The following CTNNA2 variants were observed in gnomAD, a reference collection of about 807,000 sequenced individuals.
The protein encoded by CTNNA2 is catenin alpha 2.
In CTNNA2, 42 loss-of-function variants were observed where a neutral mutation model predicts 101.0. That is an observed-to-expected ratio of 0.42 (90% CI 0.32 to 0.54). The LOEUF (loss-of-function observed/expected upper bound fraction) is 0.54. Ranked by LOEUF, CTNNA2 falls within the 20% of genes least tolerant of loss-of-function variation. The probability of loss-of-function intolerance (pLI) is 0.14; values close to 1 mark genes in which losing one functional copy is unlikely to be tolerated. For synonymous variants in CTNNA2, 450 were observed against 456.4 expected (o/e 0.99, Z 0.18); for missense variants, 871 against 1,223.1 (o/e 0.71, Z 4.29).
intron 2 of CTNNA2, among the ~76,000 whole-genome samples, chr2:79,297,679 C>A (rs1239596822): frequency 6.6e-6 from 1 of 152,184 alleles, no homozygotes; most frequent in Non-Finnish European, 1.5e-5. Context: ...ATCTCTCTAT[C>A]TATATCTATC....
chr2:79,824,362 C>T (rs1029039408), intron 3 of CTNNA2, among the ~76,000 whole-genome samples: 1 of 152,060 alleles, frequency 6.6e-6, no homozygotes, highest in African/African-American at 2.4e-5. Context: ...GTTGTACAAG[C>T]CAATAAATGA....
At chr2:79,858,496 G>T (rs138231234) in intron 4 of CTNNA2, among the ~76,000 whole-genome samples, 2 of 152,244 alleles carry the variant, frequency 1.3e-5, no homozygotes, top group South Asian at 4.1e-4. Flanking sequence ...ACCTGCCTTT[G>T]TTCTATCTCA....
intron 3 of CTNNA2, among the ~76,000 whole-genome samples, chr2:79,774,671 A>G (rs1313568564): frequency 6.6e-6 from 1 of 152,214 alleles, no homozygotes; most frequent in Non-Finnish European, 1.5e-5. Context: ...ATACTGAACT[A>G]CAAACTATGT....
Position 80,232,345 on chromosome 2 carries a change from G to GTTTTTTTTTTTTTTTTTTTTTTTT in CTNNA2, c.1057-160846_1057-160823dup, listed in dbSNP as rs61454985. Among the ~76,000 whole-genome samples, 154 of 64,736 alleles carry GTTTTTTTTTTTTTTTTTTTTTTTT rather than the reference G, an allele frequency of 2.4e-3. 8 individuals carry two copies. The highest frequency in any genetic ancestry group is 2.9e-3 in the Non-Finnish European group (112 of 38,898). 42.5% of individuals were successfully genotyped at this position (64,736 alleles called of 152,430 possible). ...GTTTTGTTTGTTTGTTTGTTTGTTT[G>GTTTTTTTTTTTTTTTTTTTTTTTT]TTTTTTTTTTTTTTTTTTTTTTTTT... is the stretch of plus-strand genomic sequence containing the variant. On this transcript the variant is annotated intron_variant, in intron 7 of 18. Transcript: ENST00000402739.
chr2:79,456,567 C>T (rs1670824958), intron 4 of CTNNA2, among the ~76,000 whole-genome samples: 1 of 152,150 alleles, frequency 6.6e-6, no homozygotes, highest in Non-Finnish European at 1.5e-5. Context: ...CTTTGAATTT[C>T]TCTAATCTCT....
intron 1 of CTNNA2, among the ~76,000 whole-genome samples, chr2:79,562,349 T>G (rs1457067027): frequency 1.3e-5 from 2 of 152,082 alleles, no homozygotes; most frequent in African/African-American, 4.8e-5. Flanking sequence ...ACTCTTTTAT[T>G]CTTAACTACT....
chr2:80,570,632 G>A (rs186026089), intron 12 of CTNNA2, among the ~76,000 whole-genome samples: 1 of 152,246 alleles, frequency 6.6e-6, no homozygotes, highest in Non-Finnish European at 1.5e-5. Context: ...AATATAATAA[G>A]ATGGTTTAAA....
chr2:79,605,262 T>A (rs1573458629), intron 1 of CTNNA2, among the ~76,000 whole-genome samples: 1 of 152,052 alleles, frequency 6.6e-6, no homozygotes, highest in African/African-American at 2.4e-5. Context: ...AGAAGTAGAT[T>A]AGTGAACTTC....
chr2:79,417,966 C>T lies in CTNNA2; in HGVS notation c.-135+43953C>T, dbSNP rs78958087. Among the ~76,000 whole-genome samples, 870 of 152,056 alleles carry T rather than the reference C, an allele frequency of 5.7e-3. 27 individuals are homozygous for T. The highest frequency in any genetic ancestry group is 0.035 in the East Asian group (179 of 5,144). On this transcript the variant is annotated intron_variant, in intron 4 of 21. Coordinates refer to the CTNNA2 transcript ENST00000466387. ...CCACGTGGGAAATGGAATTATTATT[C>T]AAATCAATATCAAAGGCTCTGAGGT...
In CTNNA2 at chr2:79,662,570, C is replaced by T. The variant is rs182134125; in HGVS notation, c.102+10912C>T. ...GAACTGGAGACCAAAAAATCCATTACACCAAGCAGGAAAATGCCTACGAAG... is the reference window on the plus strand; with the variant it reads ...GAACTGGAGACCAAAAAATCCATTATACCAAGCAGGAAAATGCCTACGAAG... On this transcript the variant is annotated intron_variant, in intron 2 of 18. Transcript: ENST00000402739. 5.2e-3 allele frequency among the ~76,000 whole-genome samples: 791 copies of T among 152,148 alleles called. 26 individuals are homozygous for T. The South Asian group carries it at 0.076, about 15-fold the overall frequency.
Position 80,487,341 on chromosome 2 carries a change from T to C in CTNNA2, c.1291-57641T>C, listed in dbSNP as rs144427850. ...AATTAAGTCTGTATAGTTGTAGTAGTCCATTCTCATGCTGCTATAAAGAAC... is the reference window on the plus strand; with the variant it reads ...AATTAAGTCTGTATAGTTGTAGTAGCCCATTCTCATGCTGCTATAAAGAAC... On this transcript the variant is annotated intron_variant, in intron 9 of 18. Coordinates refer to ENST00000402739, the MANE Select transcript of CTNNA2 (RefSeq NM_001282597.3). Among the ~76,000 whole-genome samples, 140 of 151,272 alleles carry C rather than the reference T, an allele frequency of 9.3e-4. 2 individuals carry two copies. In the East Asian group the frequency reaches 0.026, roughly 28 times the overall value.
intron 15 of CTNNA2, among the ~76,000 whole-genome samples, chr2:80,589,896 G>A (rs1558621047): frequency 6.7e-6 from 1 of 149,934 alleles, no homozygotes; most frequent in East Asian, 2.0e-4. Flanking sequence ...GTGTGTGTGT[G>A]TGTGTGTGTG....
intron 1 of CTNNA2, among the ~76,000 whole-genome samples, chr2:79,525,889 C>A (rs776915214): frequency 1.3e-5 from 2 of 151,950 alleles, no homozygotes; most frequent in African/African-American, 2.4e-5. Context: ...TCTCAGTTAA[C>A]AACATATAGC....
chr2:80,240,777 TG>T, intron 7 of CTNNA2, among the ~76,000 whole-genome samples: 1 of 152,310 alleles, frequency 6.6e-6, no homozygotes, highest in Non-Finnish European at 1.5e-5. Context: ...AGGTTCAACC[TG>T]GGTTTTTAGG....
intron 9 of CTNNA2, among the ~76,000 whole-genome samples, chr2:80,541,535 C>T (rs1200693002): frequency 6.6e-6 from 1 of 152,106 alleles, no homozygotes. Flanking sequence ...TCAAAAGATA[C>T]ACAAAGAAAA....
At chr2:80,402,532 A>G (rs1043597953) in intron 8 of CTNNA2, among the ~76,000 whole-genome samples, 20 of 152,046 alleles carry the variant, frequency 1.3e-4, no homozygotes, top group Non-Finnish European at 7.4e-5. Flanking sequence ...CTGTCACCCA[A>G]GAAATTTCAG....
chr2:80,429,373 G>C (rs1386911428), intron 9 of CTNNA2, among the ~76,000 whole-genome samples: 1 of 152,028 alleles, frequency 6.6e-6, no homozygotes, highest in Non-Finnish European at 1.5e-5. Flanking sequence ...TTTAATAATT[G>C]ACCCAATGTC....
At position 79,256,624 on chromosome 2, in the gene CTNNA2, C is replaced by T. The variant is rs529840001; in HGVS notation, c.-405-56085C>T. Among the ~76,000 whole-genome samples the T allele has an allele frequency of 5.3e-5, 8 of 152,254 alleles. No individual in the cohort carries two copies. In the East Asian group the frequency reaches 1.5e-3, roughly 29 times the overall value. On this transcript the variant is annotated intron_variant, in intron 2 of 21. Coordinates refer to the CTNNA2 transcript ENST00000466387. The stretch of plus-strand genomic sequence containing the variant: ...ATTTGATCTGAAAGTAATACTGAAA[C>T]AAGTTTGTATTGATCTCATCCACTA...
At chr2:80,574,633 G>C (rs1694884221) in intron 13 of CTNNA2, among the ~76,000 whole-genome samples, 1 of 152,128 alleles carries the variant, frequency 6.6e-6, no homozygotes, top group Non-Finnish European at 1.5e-5. Context: ...TTCCCATCAG[G>C]ATCTGAAGAC....
Sources: allele counts gnomAD v4.1 joint callset (sites outside exome capture counted in the v4.1 genomes callset), GRCh38; gene constraint gnomAD v4.1.1; transcripts MANE v1.5; gene names NCBI Gene and HGNC (gene_info 2026-07-23, HGNC 2026-07-21).